The following SLC2A12 variants were observed in gnomAD, a reference collection of about 807,000 sequenced individuals.
The protein encoded by SLC2A12 is solute carrier family 2, facilitated glucose transporter member 12.
In SLC2A12, 23 loss-of-function variants were observed where a neutral mutation model predicts 41.8. The observed-to-expected ratio is 0.55, with a 90% confidence interval of 0.40 to 0.78. SLC2A12 has a LOEUF of 0.78. SLC2A12 is among the 30% of genes least tolerant of loss of function. SLC2A12 has a pLI of 0.00. For synonymous variants in SLC2A12, 295 were observed against 285.9 expected, an observed-to-expected ratio of 1.03 and a Z score of -0.32; for missense variants, 654 against 745.6, an observed-to-expected ratio of 0.88 and a Z score of 1.43.
chr6:133,999,529 G>T (rs975404082), intron 4 of SLC2A12, among the ~76,000 whole-genome samples: 1 of 152,182 alleles, frequency 6.6e-6, no homozygotes, highest in African/African-American at 2.4e-5. Context: ...GAGACTTGCA[G>T]CTTCTTTCTG....
Position 134,028,969 on chromosome 6 carries a change from C to T in SLC2A12, c.856G>A (p.Val286Ile), listed in dbSNP as rs777960216. The T allele has an allele frequency of 3.1e-6, 5 of 1,614,082 alleles. No homozygotes were observed. The highest frequency in any genetic ancestry group is 2.2e-5 in the South Asian group (2 of 91,086). Residue 286 changes from valine to isoleucine, a missense_variant, in exon 2 of 5, where the codon GTA becomes ATA. Val to Ile is a conservative substitution (Grantham distance 29). Around this residue, in one of 3 missense-constraint regions of SLC2A12, gnomAD observed 411 missense variants for 412.1 expected, o/e 1.00. Transcript: ENST00000275230. ...RTRIMIGLTLVFFVQITGQPN... is the reference protein window; with the variant it reads ...RTRIMIGLTLIFFVQITGQPN... ...TGGCCAGTGATTTGTACAAAAAATA[C>T]TAGTGTTAGTCCTATCATTATTCGG...
chr6:134,044,314 G>A (rs1438939781), intron 1 of SLC2A12, among the ~76,000 whole-genome samples: 1 of 152,168 alleles, frequency 6.6e-6, no homozygotes, highest in Non-Finnish European at 1.5e-5. Flanking sequence ...AGACTCCAGG[G>A]TCTGGCATCA....
Position 134,028,867 on chromosome 6 carries a change from A to C in SLC2A12, c.958T>G (p.Ser320Ala). 4.3e-6 allele frequency: 7 copies of C among 1,614,216 alleles called. No individual in the cohort carries two copies. The highest frequency in any genetic ancestry group is 5.9e-6 in the Non-Finnish European group (7 of 1,180,042). The stretch of plus-strand genomic sequence containing the variant: ...ACCTTGACGACTCCAACCCCAGTGG[A>C]GGCGAGGCTAGCTGCCTCATTGCTT... ...FQSNEAASLASTGVGVVKVIS... is the reference protein window; with the variant it reads ...FQSNEAASLAATGVGVVKVIS... Residue 320 changes from serine (S) to alanine (A), a missense_variant, in exon 2 of 5, where the codon TCC (serine) becomes GCC (alanine). Ser to Ala is a moderately conservative substitution (Grantham distance 99, BLOSUM62 1). This residue lies in a region of SLC2A12 where 411 missense variants were observed against 412.1 expected (regional missense o/e 1.00). Transcript: ENST00000275230.
chr6:134,020,965 T>C (rs1040386775), intron 2 of SLC2A12, among the ~76,000 whole-genome samples: 1 of 152,246 alleles, frequency 6.6e-6, no homozygotes, highest in South Asian at 2.1e-4. Flanking sequence ...AACTTTTAGA[T>C]ATTGTGTCCA....
intron 3 of SLC2A12, among the ~76,000 whole-genome samples, chr6:134,005,144 T>C (rs1045478828): frequency 6.6e-6 from 1 of 152,248 alleles, no homozygotes; most frequent in Non-Finnish European, 1.5e-5. Flanking sequence ...GTTTCTGATT[T>C]GATCCCTAAT....
chr6:133,991,512 T>A (rs1161475946), intron 4 of SLC2A12, among the ~76,000 whole-genome samples: 4 of 152,208 alleles, frequency 2.6e-5, no homozygotes, highest in Non-Finnish European at 5.9e-5. Context: ...GGTAACGGTG[T>A]CTTCTCAGAA....
At position 134,029,085 on chromosome 6, in the gene SLC2A12, G is replaced by T. The variant is rs1207883325; in HGVS notation, c.740C>A (p.Thr247Asn). The change falls in exon 2 of 5, where the codon ACT becomes AAT. Residue 247 changes from threonine to asparagine, a missense_variant. Thr to Asn is a moderately conservative substitution (Grantham distance 65, BLOSUM62 0). Coordinates refer to ENST00000275230, the MANE Select transcript of SLC2A12 (RefSeq NM_145176.3). ...GGATTTGATCACAGTGAGTTCCTCA[G>T]TTGTATCTGAGAGTGCTCTTAACCT... Reference protein sequence around the residue: ...LGRLRALSDTTEELTVIKSSL... With the variant: ...LGRLRALSDTNEELTVIKSSL... 3.1e-6 allele frequency: 5 copies of T among 1,614,180 alleles called. No homozygotes were observed. The highest frequency in any genetic ancestry group is 1.3e-5 in the African/African-American group (1 of 75,046).
intron 2 of SLC2A12, among the ~76,000 whole-genome samples, chr6:134,014,939 A>G (rs1459893161): frequency 6.6e-6 from 1 of 152,228 alleles, no homozygotes; most frequent in Non-Finnish European, 1.5e-5. Context: ...CGAGGGGAAA[A>G]CAGGATTTAA....
intron 1 of SLC2A12, among the ~76,000 whole-genome samples, chr6:134,032,712 T>C (rs948005391): frequency 3.4e-5 from 5 of 146,178 alleles, no homozygotes; most frequent in African/African-American, 1.3e-4. Context: ...TCTAATTCAC[T>C]GTATAAGGCT....
At chr6:134,017,820 C>G (rs931145236) in intron 2 of SLC2A12, among the ~76,000 whole-genome samples, 1 of 151,356 alleles carries the variant, frequency 6.6e-6, no homozygotes, top group Non-Finnish European at 1.5e-5. Context: ...CGCCACTGCA[C>G]TCCATCCAGC....
rs59102121 is a variant in SLC2A12, at chr6:133,987,648, G to GTATATATATATATATATATATATATATA, written c.*3506_*3507insTATATATATATATATATATATATATATA. 1.1e-4 allele frequency: 10 copies of GTATATATATATATATATATATATATATA among 88,368 alleles called. No individual in the cohort carries two copies. Among genetic ancestry groups the GTATATATATATATATATATATATATATA allele is most frequent in the South Asian group, 3.1e-4 (1 of 3,236 alleles). The allele number at this position is 88,368 out of a possible 1,614,324, so 5.5% of individuals were successfully genotyped here. A position where few individuals can be genotyped will look rare whatever the true frequency, so the allele number is the denominator to read the frequency against. ...TTTGTGTGTGTGTGTGTGTGTGTGT[G>GTATATATATATATATATATATATATATA]TATATATATATATATATATGCACCA... On this transcript the variant is annotated 3_prime_UTR_variant, in exon 5 of 5. Transcript: ENST00000275230.
intron 2 of SLC2A12, among the ~76,000 whole-genome samples, chr6:134,019,122 C>G (rs9385676): frequency 0.25 from 38,654 of 152,104 alleles, 5,514 homozygotes; most frequent in East Asian, 0.41. Flanking sequence ...AAAGTGAAAA[C>G]TTATTCATCA....
At chr6:134,020,479 T>A (rs991753129) in intron 2 of SLC2A12, among the ~76,000 whole-genome samples, 2 of 152,344 alleles carry the variant, frequency 1.3e-5, no homozygotes, top group Admixed American at 1.3e-4. Context: ...CCAACTAGTT[T>A]ATATAGTTTA....
intron 4 of SLC2A12, among the ~76,000 whole-genome samples, chr6:134,001,122 T>C (rs1776749000): frequency 6.6e-6 from 1 of 151,198 alleles, no homozygotes; most frequent in Non-Finnish European, 1.5e-5. Context: ...GAGTAGAGCT[T>C]TAAAATGTTC....
chr6:134,052,523 C>T lies in SLC2A12; in HGVS notation c.-43G>A. On this transcript the variant is annotated 5_prime_UTR_variant, in exon 1 of 5. Transcript: ENST00000275230. ...AGCCGCTTCCCCGCCACCAAACCGCCCCGACCACCCCCGCTCCCAGGAGTG... is the reference window on the plus strand; with the variant it reads ...AGCCGCTTCCCCGCCACCAAACCGCTCCGACCACCCCCGCTCCCAGGAGTG... 1.4e-6 allele frequency: 2 copies of T among 1,472,668 alleles called. No individual in the cohort carries two copies. The highest frequency in any genetic ancestry group is 1.9e-6 in the Non-Finnish European group (2 of 1,057,494). The allele number at this position is 1,472,668 out of a possible 1,614,324, so 91.2% of individuals were successfully genotyped here. A position where few individuals can be genotyped will look rare whatever the true frequency, so the allele number is the denominator to read the frequency against.
intron 2 of SLC2A12, among the ~76,000 whole-genome samples, chr6:134,021,142 G>A (rs1438039081): frequency 6.6e-6 from 1 of 152,060 alleles, no homozygotes; most frequent in African/African-American, 2.4e-5. Context: ...AAAAAGCCTC[G>A]TGATGGTGTC....
chr6:134,035,393 C>T (rs1777282825), intron 1 of SLC2A12, among the ~76,000 whole-genome samples: 1 of 151,540 alleles, frequency 6.6e-6, no homozygotes, highest in Admixed American at 6.6e-5. Flanking sequence ...CATGGGAGTC[C>T]TGCCCTCTGC....
intron 2 of SLC2A12, among the ~76,000 whole-genome samples, chr6:134,012,163 T>C (rs1187433060): frequency 6.6e-6 from 1 of 152,256 alleles, no homozygotes; most frequent in Non-Finnish European, 1.5e-5. Context: ...CTGAGTCATA[T>C]CCACTCATGG....
intron 3 of SLC2A12, 69 bp downstream of exon 3, chr6:134,006,743 G>C (rs764725783): frequency 5.0e-6 from 8 of 1,588,416 alleles, no homozygotes; most frequent in Non-Finnish European, 6.9e-6. Flanking sequence ...TGGTCTTTAG[G>C]TGGGTGTGAT....
Sources: gnomAD v4.1 joint callset for allele counts (sites outside exome capture counted in the v4.1 genomes callset) on GRCh38, gnomAD v4.1.1 for gene constraint, gnomAD v4.1.1 regional missense constraint, MANE v1.5 for transcripts, NCBI Gene and HGNC (gene_info 2026-07-23, HGNC 2026-07-21) for gene names.